Variants in FAT4 observed in about 807,000 individuals in gnomAD.
FAT4 encodes FAT atypical cadherin 4, also known as protocadherin Fat 4.
A neutral mutation model predicts 303.9 loss-of-function variants in FAT4; 84 were observed. The ratio of observed to expected loss-of-function variants is 0.28; its 90% confidence interval spans 0.23 to 0.33. The LOEUF (loss-of-function observed/expected upper bound fraction) is 0.33, where lower values mean the gene tolerates loss of function less well. FAT4 is among the 10% of genes least tolerant of loss of function. The pLI is 1.00. For missense variants in FAT4, 6,005 were observed against 6,146.8 expected (o/e 0.98, Z 0.77); for synonymous variants, 2,307 against 2,298.8 (o/e 1.00, Z -0.10).
intron 2 of FAT4, among the ~76,000 whole-genome samples, chr4:125,365,319 A>G (rs1732835127): frequency 6.6e-6 from 1 of 152,190 alleles, no homozygotes; most frequent in Admixed American, 6.5e-5. Flanking sequence ...TTTGGAGTGT[A>G]GTATCCATGA....
chr4:125,451,435 T>G lies in FAT4; in HGVS notation c.10425T>G (p.Leu3475=). 1 of 1,614,106 alleles carries G rather than the reference T, an allele frequency of 6.2e-7. No homozygotes were observed. Among genetic ancestry groups the G allele is most frequent in the Admixed American group, 1.7e-5 (1 of 60,014 alleles). The change falls in exon 10 of 18, where the codon CTT becomes CTG. Residue 3475 remains leucine (L), a synonymous_variant. Transcript: ENST00000394329. The part of the protein sequence containing the change: ...TVTAELDRET[L]PIYNLSVLAV... ...CTGCAGAATTAGATCGAGAAACCCT[T>G]CCCATCTATAATCTCTCAGTTTTGG...
chr4:125,381,915 A>G (rs1733557501), intron 2 of FAT4, among the ~76,000 whole-genome samples: 1 of 152,212 alleles, frequency 6.6e-6, no homozygotes, highest in South Asian at 2.1e-4. Flanking sequence ...TTCACCAGGA[A>G]TAGGTTCCAT....
rs538402472 is a variant in FAT4, at chr4:125,433,434, C to T, written c.7019-811C>T. On this transcript the variant is annotated intron_variant, in intron 7 of 17. Coordinates refer to ENST00000394329, the MANE Select transcript of FAT4 (RefSeq NM_001291303.3). ...AGTTTGAAAAACGGTTTTGAAAACA[C>T]AACCAACAGCAGATAATTTGTCTTT... is the stretch of plus-strand genomic sequence containing the variant. Among the ~76,000 whole-genome samples the T allele has an allele frequency of 6.4e-4, 97 of 152,280 alleles. 4 individuals carry two copies. The South Asian group carries it at 0.018, about 29-fold the overall frequency.
At position 125,489,884 on chromosome 4, in the gene FAT4, C is replaced by G; in HGVS notation, c.13085-17C>G. The G allele has an allele frequency of 1.2e-6, 1 of 829,948 alleles. No individual in the cohort carries two copies. The highest frequency in any genetic ancestry group is 1.7e-6 in the Non-Finnish European group (1 of 600,182). The allele number at this position is 829,948 out of a possible 1,614,324, so 51.4% of individuals were successfully genotyped here. On this transcript the variant is annotated splice_polypyrimidine_tract_variant and intron_variant, in intron 17 of 17. Transcript: ENST00000394329. The stretch of plus-strand genomic sequence containing the variant: ...TTTTTTTTTTGTAAAAAGCCTTACT[C>G]CTTCTTCTTCTCCCAGCAGGTTTTG...
intron 2 of FAT4, among the ~76,000 whole-genome samples, chr4:125,387,917 A>C (rs191651405): frequency 6.6e-6 from 1 of 152,190 alleles, no homozygotes; most frequent in Non-Finnish European, 1.5e-5. Flanking sequence ...AAGAGCCACA[A>C]AAATCTCAAA....
At position 125,468,809 on chromosome 4, in the gene FAT4, G is replaced by A; in HGVS notation, c.12203G>A (p.Arg4068Lys). ...DGHFHTVIAR[R>K]AGMAASLTVD... ...CATTTTCACACTGTGATTGCCAGGA[G>A]AGCAGGAATGGTAAGATATTTCATT... Residue 4068 changes from arginine (R) to lysine (K), a missense_variant, in exon 12 of 18, where the codon AGA becomes AAA. Physicochemically the swap from Arg to Lys is conservative, Grantham distance 26. Coordinates refer to ENST00000394329, the MANE Select transcript of FAT4 (RefSeq NM_001291303.3). 1.9e-6 allele frequency: 3 copies of A among 1,608,960 alleles called. No homozygotes were observed. Among genetic ancestry groups the A allele is most frequent in the Non-Finnish European group, 2.6e-6 (3 of 1,176,080 alleles).
chr4:125,402,236 C>T (rs577866791), intron 3 of FAT4, among the ~76,000 whole-genome samples: 37 of 151,920 alleles, frequency 2.4e-4, no homozygotes, highest in Admixed American at 9.8e-4. Context: ...AATATCAAAC[C>T]ATTTTTGTAA....
rs1730664215 is a variant in FAT4, at chr4:125,317,445, A to G, written c.1034A>G (p.Asp345Gly). The G allele has an allele frequency of 6.2e-7, 1 of 1,613,484 alleles. No homozygotes were observed. Residue 345 changes from aspartate (D) to glycine (G), a missense_variant, in exon 2 of 18, where the codon GAC becomes GGC. Asp to Gly is a moderately conservative substitution (Grantham distance 94, BLOSUM62 -1). Coordinates refer to ENST00000394329, the MANE Select transcript of FAT4 (RefSeq NM_001291303.3). The surrounding 1 kb of genome is among the most constrained non-coding windows in gnomAD (Gnocchi z 7.0). ...GCCGAGGCGCTGATTCAGCTGCTGG[A>G]CGTGAATGACAATGACCCGGTAGTG... ...GRAEALIQLL[D>G]VNDNDPVVKF...
Position 125,423,687 on chromosome 4 carries a change from G to A in FAT4, c.7018+7065G>A, listed in dbSNP as rs567531836. ...AGCTCCACTGACAACTTGCAGCTAT[G>A]CACCTGGCAAAGCTGCAGGCACTCA... On this transcript the variant is annotated intron_variant, in intron 7 of 17. Transcript: ENST00000394329. Among the ~76,000 whole-genome samples, 3 of 152,306 alleles carry A rather than the reference G, an allele frequency of 2.0e-5. No individual in the cohort carries two copies. The East Asian group carries it at 5.8e-4, about 29-fold the overall frequency.
chr4:125,475,365 T>TA (rs1726992980), intron 12 of FAT4, among the ~76,000 whole-genome samples: 1 of 152,082 alleles, frequency 6.6e-6, no homozygotes, highest in South Asian at 2.1e-4. Flanking sequence ...TGTATGGTTA[T>TA]CATGTTCTGA....
At chr4:125,350,751 T>A (rs1732190907) in intron 2 of FAT4, among the ~76,000 whole-genome samples, 1 of 151,680 alleles carries the variant, frequency 6.6e-6, no homozygotes, top group Non-Finnish European at 1.5e-5. Flanking sequence ...AAGTTCCTGC[T>A]GATTTCCTTG....
rs2710585 is a variant in FAT4 at position 125,369,818 on chromosome 4, C to T, written c.5176-28966C>T. ...CTCCAGGCCACCACTGTTCTGCTTT[C>T]TGTTCCCATGAAGTTGACTACTTTT... On this transcript the variant is annotated intron_variant, in intron 2 of 17. Transcript: ENST00000394329. Among the ~76,000 whole-genome samples, 1,486 of 152,254 alleles carry T rather than the reference C, an allele frequency of 9.8e-3. 20 individuals carry two copies. The highest frequency in any genetic ancestry group is 0.034 in the African/African-American group (1,420 of 41,550).
rs539231738 is a variant in FAT4 at position 125,321,397 on chromosome 4, A to G, written c.4986A>G (p.Pro1662=). 3 of 1,614,138 alleles carry G rather than the reference A, an allele frequency of 1.9e-6. No homozygotes were observed. Among genetic ancestry groups the G allele is most frequent in the African/African-American group, 1.3e-5 (1 of 75,054 alleles). ...EAASPRGSEA[P]VEYYIVSVRC... is the part of the protein sequence containing the mutation. The stretch of plus-strand genomic sequence containing the variant: ...CTAGCCCCAGAGGATCTGAGGCCCC[A>G]GTGGAGTATTATATTGTTTCAGTTC... The change falls in exon 2 of 18, where the codon CCA becomes CCG. Residue 1662 remains proline (P), a synonymous_variant. Transcript: ENST00000394329.
At chr4:125,446,235 A>T in intron 8 of FAT4, 58 bp from the exon 9 acceptor site, 2 of 1,420,432 alleles carry the variant, frequency 1.4e-6, no homozygotes, top group Non-Finnish European at 1.9e-6. Context: ...ATTATAGTAA[A>T]TAGAAGTTAC....
At chr4:125,441,666 G>T (rs1158955189) in intron 8 of FAT4, among the ~76,000 whole-genome samples, 1 of 152,150 alleles carries the variant, frequency 6.6e-6, no homozygotes, top group Non-Finnish European at 1.5e-5. Flanking sequence ...GCATCTCTTG[G>T]CTCTGCTTTA....
intron 10 of FAT4, among the ~76,000 whole-genome samples, chr4:125,455,743 G>A (rs745485313): frequency 2.6e-5 from 4 of 152,122 alleles, no homozygotes; most frequent in African/African-American, 7.2e-5. Context: ...GAGTTCTATG[G>A]TGATATTATT....
chr4:125,482,006 TG>T (rs1456417272), intron 16 of FAT4, among the ~76,000 whole-genome samples: 13 of 152,316 alleles, frequency 8.5e-5, no homozygotes, highest in Admixed American at 3.3e-4. Flanking sequence ...AAGAATTAGT[TG>T]CAATCTATTT....
At chr4:125,343,393 T>A (rs1731874728) in intron 2 of FAT4, among the ~76,000 whole-genome samples, 1 of 152,086 alleles carries the variant, frequency 6.6e-6, no homozygotes, top group Admixed American at 6.6e-5. Context: ...CATGGGCTCC[T>A]CCCACTTCAC....
At chr4:125,467,361 A>G (rs1427476141) in intron 11 of FAT4, among the ~76,000 whole-genome samples, 3 of 152,190 alleles carry the variant, frequency 2.0e-5, no homozygotes, top group African/African-American at 2.4e-5. Flanking sequence ...TCTAAATTTT[A>G]TGCATTTATG....
Sources: gnomAD v4.1 joint callset for allele counts (sites outside exome capture counted in the v4.1 genomes callset) on GRCh38, gnomAD v4.1.1 for gene constraint, Gnocchi (gnomAD v3.1) non-coding constraint, MANE v1.5 for transcripts, NCBI Gene and HGNC (gene_info 2026-07-23, HGNC 2026-07-21) for gene names.